The following WNT2 variants were observed in gnomAD, a reference collection of about 807,000 sequenced individuals.
WNT2 encodes the protein Wnt family member 2.
Under a neutral mutation model 36.9 loss-of-function variants are expected in WNT2, and 12 were observed. The observed-to-expected ratio is 0.33, with a 90% confidence interval of 0.21 to 0.53. The LOEUF is 0.53. Ranked by LOEUF, WNT2 falls within the 20% of genes least tolerant of loss-of-function variation. The pLI, the probability that WNT2 is intolerant of heterozygous loss-of-function variation, is 0.95. For synonymous variants in WNT2, 163 were observed against 174.6 expected (o/e 0.93, Z 0.52); for missense variants, 379 against 473.1 (o/e 0.80, Z 1.84).
intron 4 of WNT2, among the ~76,000 whole-genome samples, chr7:117,281,983 G>A (rs1489912900): frequency 6.6e-6 from 1 of 152,132 alleles, no homozygotes; most frequent in African/African-American, 2.4e-5. Context: ...GTAGGGCCAA[G>A]AGTGGTGATA....
In WNT2 at chr7:117,297,829, G is replaced by A. The variant is rs1333794508; in HGVS notation, c.636C>T (p.Ser212=). Residue 212 remains serine, a synonymous_variant, in exon 4 of 5, where the codon AGC becomes AGT. Coordinates refer to ENST00000265441, the MANE Select transcript of WNT2 (RefSeq NM_003391.3). ...AGCATGTCCTGAGAGTACATGAGCC[G>A]CTCACCCCGTGGCACTTGCACTCTT... ...LKQECKCHGV[S]GSCTLRTCWL... 9 of 1,614,024 alleles carry A rather than the reference G, an allele frequency of 5.6e-6. No homozygotes were observed. Among genetic ancestry groups the A allele is most frequent in the East Asian group, 4.5e-5 (2 of 44,870 alleles).
At position 117,322,933 on chromosome 7, in the gene WNT2, G is replaced by A. The variant is rs781420620; in HGVS notation, c.57C>T (p.Leu19=). 2.5e-6 allele frequency: 4 copies of A among 1,613,814 alleles called. No individual in the cohort carries two copies. The Admixed American group carries it at 6.7e-5, about 27-fold the overall frequency. Residue 19 remains leucine (L), a synonymous_variant, in exon 1 of 5, where the codon CTC becomes CTT. Transcript: ENST00000265441. The surrounding 1 kb of genome is among the most constrained non-coding windows in gnomAD (Gnocchi z 5.4). The part of the protein sequence containing the change: ...WLWLPLLLTW[L]TPEVNSSWWY... Reference sequence around the variant, plus strand: ...ACCATGAAGAGTTGACCTCGGGGGTGAGCCAGGTCAAGAGCAGAGGGAGCC... The same window carrying A: ...ACCATGAAGAGTTGACCTCGGGGGTAAGCCAGGTCAAGAGCAGAGGGAGCC...
intron 4 of WNT2, among the ~76,000 whole-genome samples, chr7:117,289,578 C>T (rs1184439519): frequency 6.6e-6 from 1 of 152,186 alleles, no homozygotes; most frequent in East Asian, 1.9e-4. Context: ...AGCTATGAAG[C>T]AGCGCTAACA....
chr7:117,307,262 C>G (rs1043307337), intron 3 of WNT2, among the ~76,000 whole-genome samples: 1 of 152,198 alleles, frequency 6.6e-6, no homozygotes, highest in Non-Finnish European at 1.5e-5. Context: ...TACCATATAT[C>G]AAACCATGCT....
intron 3 of WNT2, among the ~76,000 whole-genome samples, chr7:117,298,938 G>A (rs2116358051): frequency 6.6e-6 from 1 of 152,302 alleles, no homozygotes; most frequent in Admixed American, 6.5e-5. Flanking sequence ...GTCGGGCCTT[G>A]GCACTAGGTG....
Position 117,275,535 on chromosome 7 carries a change from G to T in WNT2, c.*2620C>A, listed in dbSNP as rs1563195914. ...CCTAGAAAACTTCAATTTATAGTAA[G>T]ATTTTAATAAAGAGGGAATTTATAA... On this transcript the variant is annotated 3_prime_UTR_variant, in exon 5 of 5. Coordinates refer to ENST00000265441, the MANE Select transcript of WNT2 (RefSeq NM_003391.3). Among the ~76,000 whole-genome samples the T allele has an allele frequency of 2.6e-5, 4 of 152,170 alleles. No individual in the cohort carries two copies. Among genetic ancestry groups the T allele is most frequent in the African/African-American group, 7.2e-5 (3 of 41,440 alleles).
At chr7:117,298,000 G>A in intron 3 of WNT2, 124 bp from the exon 4 acceptor site, 23 of 1,332,320 alleles carry the variant, frequency 1.7e-5, no homozygotes, top group Non-Finnish European at 2.2e-5. Flanking sequence ...CAAGTGACTG[G>A]GAAATGTTGA....
At chr7:117,320,854 G>A in intron 1 of WNT2, 61 bp from the exon 2 acceptor site, 2 of 1,431,864 alleles carry the variant, frequency 1.4e-6, no homozygotes, top group Non-Finnish European at 1.9e-6. Context: ...CTGGCTCAGT[G>A]TTCCTGGGAG....
At chr7:117,298,558 T>C (rs1485505300) in intron 3 of WNT2, among the ~76,000 whole-genome samples, 3 of 152,098 alleles carry the variant, frequency 2.0e-5, no homozygotes, top group African/African-American at 7.2e-5. Context: ...TGATCTTTCT[T>C]AGACAGGAAG....
rs188875951 is a variant in WNT2, at chr7:117,309,995, G to A, written c.588+5076C>T. ...GGATCTCACTATGTTGCCCAAGCTG[G>A]TCTCAAACTCCTGAGCTCAAGTGAT... On this transcript the variant is annotated intron_variant, in intron 3 of 4. Transcript: ENST00000265441. Among the ~76,000 whole-genome samples, 1,053 of 152,024 alleles carry A rather than the reference G, an allele frequency of 6.9e-3. 4 individuals are homozygous for A. The highest frequency in any genetic ancestry group is 9.7e-3 in the Non-Finnish European group (657 of 67,992).
chr7:117,295,642 C>T (rs1048931524), intron 4 of WNT2, among the ~76,000 whole-genome samples: 9 of 152,190 alleles, frequency 5.9e-5, no homozygotes, highest in African/African-American at 2.2e-4. Flanking sequence ...GAAGAGGGTC[C>T]TCTTATATTT....
intron 4 of WNT2, among the ~76,000 whole-genome samples, chr7:117,281,147 G>T (rs953689517): frequency 2.5e-4 from 38 of 152,336 alleles, no homozygotes; most frequent in Admixed American, 2.2e-3. Flanking sequence ...CTGAGGGCAA[G>T]TTCACAACAG....
In WNT2 at chr7:117,276,342, G is replaced by A. The variant is rs1166194238; in HGVS notation, c.*1813C>T. On this transcript the variant is annotated 3_prime_UTR_variant, in exon 5 of 5. Transcript: ENST00000265441. ...CACACCAACCTTCAGGGTAACTGAA[G>A]ACTGAGCAGCTGCCCATGTGCCTGG... 6.6e-6 allele frequency among the ~76,000 whole-genome samples: 1 copy of A among 152,246 alleles called. No individual in the cohort carries two copies. Among genetic ancestry groups the A allele is most frequent in the Non-Finnish European group, 1.5e-5 (1 of 68,046 alleles).
intron 4 of WNT2, 36 bp downstream of exon 4, chr7:117,297,576 G>T: frequency 6.3e-7 from 1 of 1,586,450 alleles, no homozygotes; most frequent in South Asian, 1.1e-5. Flanking sequence ...ATTGTTGAAA[G>T]AATTAGGTAC....
In WNT2 at chr7:117,278,309, C is replaced by G; in HGVS notation, c.929G>C (p.Gly310Ala). ...GMDSCEVMCCGRGYDTSHVTR... is the reference protein window; with the variant it reads ...GMDSCEVMCCARGYDTSHVTR... ...GACATGGGAGGTGTCGTAGCCTCTC[C>G]CACAGCACATGACTTCACAGCTGTC... Residue 310 changes from glycine (G) to alanine (A), a missense_variant, in exon 5 of 5, where the codon GGG becomes GCG. Coordinates refer to ENST00000265441, the MANE Select transcript of WNT2 (RefSeq NM_003391.3). 1 of 1,614,228 alleles carries G rather than the reference C, an allele frequency of 6.2e-7. No individual in the cohort carries two copies. The highest frequency in any genetic ancestry group is 8.5e-7 in the Non-Finnish European group (1 of 1,180,042).
At chr7:117,289,906 C>T (rs536548782) in intron 4 of WNT2, among the ~76,000 whole-genome samples, 201 of 152,128 alleles carry the variant, frequency 1.3e-3, no homozygotes, top group African/African-American at 4.6e-3. Context: ...CCCAGTGGTA[C>T]CCGGGATGAT....
chr7:117,299,922 T>TA (rs951292515), intron 3 of WNT2, among the ~76,000 whole-genome samples: 4 of 152,272 alleles, frequency 2.6e-5, no homozygotes, highest in South Asian at 2.1e-4. Context: ...TATAAATCCT[T>TA]AAAAAAACAT....
At chr7:117,285,146 C>T (rs183983988) in intron 4 of WNT2, among the ~76,000 whole-genome samples, 14 of 152,310 alleles carry the variant, frequency 9.2e-5, no homozygotes, top group Non-Finnish European at 1.9e-4. Flanking sequence ...TTTTCTTCAG[C>T]TCATGATATG....
At chr7:117,289,980 T>C (rs1421521673) in intron 4 of WNT2, among the ~76,000 whole-genome samples, 1 of 152,034 alleles carries the variant, frequency 6.6e-6, no homozygotes, top group Non-Finnish European at 1.5e-5. Context: ...TGGAAGTGGG[T>C]GGCAGGCAGT....
Sources: allele counts gnomAD v4.1 joint callset (sites outside exome capture counted in the v4.1 genomes callset), GRCh38; gene constraint gnomAD v4.1.1; non-coding constraint Gnocchi (gnomAD v3.1); transcripts MANE v1.5; gene names NCBI Gene and HGNC (gene_info 2026-07-23, HGNC 2026-07-21).